The following NEBL variants were observed in gnomAD, a reference collection of about 807,000 sequenced individuals.
NEBL encodes the protein nebulette.
NEBL carries 122 observed loss-of-function variants against 140.2 expected under a neutral mutation model. The ratio of observed to expected loss-of-function variants is 0.87; its 90% confidence interval spans 0.75 to 1.01. NEBL has a LOEUF of 1.01. NEBL is among the 50% of genes least tolerant of loss of function. NEBL has a pLI of 0.00. For missense variants in NEBL, 1,365 were observed against 1,231.3 expected (o/e 1.11, Z -1.62); for synonymous variants, 436 against 398.9 (o/e 1.09, Z -1.11).
rs879306514 is a variant in NEBL, at chr10:20,860,561, C to CAAAAAAAAAAAAA, written c.685-736_685-735insTTTTTTTTTTTTT. On this transcript the variant is annotated intron_variant, in intron 7 of 27. Coordinates refer to ENST00000377122, the MANE Select transcript of NEBL (RefSeq NM_006393.3). Reference sequence around the variant, plus strand: ...TTAGAATATAAACACAAGTTCACTACAAAAAGAAAAAAAAAAAAAAAAAAA... The same window carrying CAAAAAAAAAAAAA: ...TTAGAATATAAACACAAGTTCACTACAAAAAAAAAAAAAAAAAAGAAAAAAAAAAAAAAAAAAA... Among the ~76,000 whole-genome samples, 7 of 61,936 alleles carry CAAAAAAAAAAAAA rather than the reference C, an allele frequency of 1.1e-4. 2 individuals carry two copies. The highest frequency in any genetic ancestry group is 1.7e-4 in the Non-Finnish European group (6 of 34,788). 40.6% of individuals were successfully genotyped at this position (61,936 alleles called of 152,430 possible).
intron 2 of NEBL, among the ~76,000 whole-genome samples, chr10:21,041,180 T>A (rs368070234): frequency 6.6e-6 from 1 of 152,346 alleles, no homozygotes; most frequent in Middle Eastern, 3.4e-3. Flanking sequence ...TAATACCTGA[T>A]AGTTTTTCAG....
At chr10:21,038,488 T>G (rs1439661212) in intron 2 of NEBL, among the ~76,000 whole-genome samples, 1 of 96,532 alleles carries the variant, frequency 1.0e-5, no homozygotes, top group Non-Finnish European at 2.4e-5. Flanking sequence ...TGTGTTAGTT[T>G]GCTAAGACTG....
At chr10:20,823,071 C>A in intron 19 of NEBL, 137 bp downstream of exon 19, 1 of 633,932 alleles carries the variant, frequency 1.6e-6, no homozygotes, top group East Asian at 2.9e-5. Flanking sequence ...GTGTAAAATG[C>A]TAGCTCCACT....
At chr10:21,230,794 G>A (rs547301433) in intron 3 of NEBL, among the ~76,000 whole-genome samples, 205 of 151,972 alleles carry the variant, frequency 1.3e-3, no homozygotes, top group African/African-American at 4.5e-3. Context: ...TGGTAGAGAT[G>A]GGGTTTCACC....
chr10:20,975,442 G>A (rs1656931677), intron 3 of NEBL, among the ~76,000 whole-genome samples: 1 of 152,060 alleles, frequency 6.6e-6, no homozygotes, highest in African/African-American at 2.4e-5. Context: ...GAGCCAGGTG[G>A]TTCCACTATG....
intron 2 of NEBL, among the ~76,000 whole-genome samples, chr10:21,077,502 G>A (rs1836155943): frequency 6.6e-6 from 1 of 152,066 alleles, no homozygotes; most frequent in Non-Finnish European, 1.5e-5. Flanking sequence ...AGCTACTCGG[G>A]AGGCTGAGGC....
chr10:21,213,663 G>T (rs1841949267), intron 3 of NEBL, among the ~76,000 whole-genome samples: 1 of 152,202 alleles, frequency 6.6e-6, no homozygotes, highest in South Asian at 2.1e-4. Context: ...AAGGCCTGGG[G>T]CGACCTGGGC....
chr10:21,169,049 C>CAAAAAAAAA (rs147147865), intron 2 of NEBL, among the ~76,000 whole-genome samples: 14 of 25,524 alleles, frequency 5.5e-4, no homozygotes, highest in East Asian at 1.7e-3. Context: ...ACTCCGTCTA[C>CAAAAAAAAA]AAAAAAAAAA....
intron 9 of NEBL, among the ~76,000 whole-genome samples, chr10:20,856,419 A>G (rs543287602): frequency 1.7e-4 from 26 of 152,352 alleles, no homozygotes; most frequent in African/African-American, 6.3e-4. Flanking sequence ...GCTTATTTAC[A>G]CATGAATCCC....
chr10:20,918,818 T>G (rs190492138), intron 4 of NEBL, among the ~76,000 whole-genome samples: 2,249 of 152,038 alleles, frequency 0.015, 28 homozygotes, highest in Non-Finnish European at 0.024. Flanking sequence ...ACCACTGCAC[T>G]CCAGCCTGGG....
intron 5 of NEBL, among the ~76,000 whole-genome samples, chr10:20,878,529 C>T (rs568414529): frequency 6.6e-6 from 1 of 152,226 alleles, no homozygotes; most frequent in Non-Finnish European, 1.5e-5. Flanking sequence ...TTCCATAGAT[C>T]CACCCACTGA....
chr10:20,826,280 T>C (rs370789918), intron 18 of NEBL, among the ~76,000 whole-genome samples, 167 bp downstream of exon 18: 75 of 152,296 alleles, frequency 4.9e-4, no homozygotes, highest in African/African-American at 1.7e-3. Flanking sequence ...GGAACAAGGA[T>C]ACAGTTTTTG....
At chr10:21,156,171 GAATTCTATTCATGT>G (rs1458639224) in intron 2 of NEBL, among the ~76,000 whole-genome samples, 10 of 152,218 alleles carry the variant, frequency 6.6e-5, no homozygotes, top group Admixed American at 6.5e-4. Flanking sequence ...GGGACAGGAG[GAATTCTATTCATGT>G]AATTTGCGAG....
chr10:21,158,387 T>C (rs1292992313), intron 2 of NEBL, among the ~76,000 whole-genome samples: 2 of 152,184 alleles, frequency 1.3e-5, no homozygotes, highest in Admixed American at 6.5e-5. Context: ...TTTACATAGA[T>C]TATCTTATTT....
At chr10:20,807,200 C>A (rs1837688153) in intron 26 of NEBL, among the ~76,000 whole-genome samples, 1 of 152,120 alleles carries the variant, frequency 6.6e-6, no homozygotes, top group Non-Finnish European at 1.5e-5. Context: ...GTGGCACACA[C>A]CTGTAGACCC....
chr10:21,168,785 A>T (rs1840912511), intron 2 of NEBL, among the ~76,000 whole-genome samples: 1 of 151,856 alleles, frequency 6.6e-6, no homozygotes, highest in Admixed American at 6.6e-5. Flanking sequence ...GCGGTGGCTC[A>T]TGCCTGTAAT....
chr10:21,104,756 T>C (rs1837632791), intron 2 of NEBL, among the ~76,000 whole-genome samples: 2 of 152,188 alleles, frequency 1.3e-5, no homozygotes, highest in Non-Finnish European at 2.9e-5. Flanking sequence ...GAACTTCCAG[T>C]ACTATGTTAA....
intron 2 of NEBL, among the ~76,000 whole-genome samples, chr10:21,076,474 A>T (rs1349839693): frequency 7.5e-6 from 1 of 133,364 alleles, no homozygotes; most frequent in East Asian, 2.2e-4. Flanking sequence ...AAAAAAAAAA[A>T]GAATTACCAC....
At chr10:20,852,674 A>G in intron 9 of NEBL, 25 bp from the exon 10 acceptor site, 1 of 1,534,818 alleles carries the variant, frequency 6.5e-7, no homozygotes, top group Non-Finnish European at 9.0e-7. Flanking sequence ...GGGGAAATCA[A>G]CTTAGAATCA....
Sources: gnomAD v4.1 joint callset for allele counts (sites outside exome capture counted in the v4.1 genomes callset) on GRCh38, gnomAD v4.1.1 for gene constraint, MANE v1.5 for transcripts, NCBI Gene and HGNC (gene_info 2026-07-23, HGNC 2026-07-21) for gene names.